The following PLEKHA6 variants were observed in gnomAD, a reference collection of about 807,000 sequenced individuals.
PLEKHA6 encodes the protein pleckstrin homology domain-containing family A member 6.
A neutral mutation model predicts 116.7 loss-of-function variants in PLEKHA6; 60 were observed. That is an observed-to-expected ratio of 0.51 (90% CI 0.42 to 0.64). The LOEUF is 0.64. Ranked by LOEUF, PLEKHA6 falls within the 30% of genes least tolerant of loss-of-function variation. PLEKHA6 has a pLI of 0.00. For synonymous variants in PLEKHA6, 489 were observed against 556.1 expected, an observed-to-expected ratio of 0.88 and a Z score of 1.70; for missense variants, 1,338 against 1,422.7, an observed-to-expected ratio of 0.94 and a Z score of 0.96.
chr1:204,320,099 C>T (rs1057466112), intron 1 of PLEKHA6, among the ~76,000 whole-genome samples: 3 of 152,178 alleles, frequency 2.0e-5, no homozygotes, highest in Non-Finnish European at 4.4e-5. Context: ...CACTGCTGCC[C>T]CATCATCCTT....
At chr1:204,254,445 A>T (rs949338010) in intron 9 of PLEKHA6, among the ~76,000 whole-genome samples, 6 of 150,822 alleles carry the variant, frequency 4.0e-5, no homozygotes, top group African/African-American at 7.3e-5. Context: ...CTCATTTAAA[A>T]TTTTTTTTTT....
Position 204,261,219 on chromosome 1 carries a change from G to A in PLEKHA6, c.524+87C>T. On this transcript the variant is annotated intron_variant, in intron 7 of 22. Transcript: ENST00000272203. The surrounding 1 kb of genome is among the most constrained non-coding windows in gnomAD (Gnocchi z 4.0). ...TCCAGGGCTTCAAGTAGGCACACTG[G>A]GATTAGCAATGGCCCAGAGCTGGGT... is the stretch of plus-strand genomic sequence containing the variant. 2 of 1,487,306 alleles carry A rather than the reference G, an allele frequency of 1.3e-6. No individual in the cohort carries two copies. Among genetic ancestry groups the A allele is most frequent in the African/African-American group, 2.8e-5 (2 of 72,598 alleles). The allele number at this position is 1,487,306 out of a possible 1,614,324, so 92.1% of individuals were successfully genotyped here.
At chr1:204,358,740 G>A (rs1426648945) in intron 1 of PLEKHA6, among the ~76,000 whole-genome samples, 2 of 151,956 alleles carry the variant, frequency 1.3e-5, no homozygotes, top group African/African-American at 4.8e-5. Flanking sequence ...CCCTCCTGCA[G>A]CTCTCCCTCC....
At position 204,268,392 on chromosome 1, in the gene PLEKHA6, G is replaced by C. The variant is rs893753588; in HGVS notation, c.103-80C>G. Reference sequence around the variant, plus strand: ...ATCTGCAAGGGAGCCACCCCTGCTAGAGCTGCTTCTCCCTAGGGTTAACCC... The same window carrying C: ...ATCTGCAAGGGAGCCACCCCTGCTACAGCTGCTTCTCCCTAGGGTTAACCC... On this transcript the variant is annotated intron_variant, in intron 3 of 22. Transcript: ENST00000272203. 8 of 946,378 alleles carry C rather than the reference G, an allele frequency of 8.5e-6. No individual in the cohort carries two copies. The African/African-American group carries it at 1.3e-4, about 15-fold the overall frequency. The allele number at this position is 946,378 out of a possible 1,614,324, so 58.6% of individuals were successfully genotyped here.
intron 3 of PLEKHA6, among the ~76,000 whole-genome samples, chr1:204,271,272 C>A (rs1329968056): frequency 6.6e-6 from 1 of 152,198 alleles, no homozygotes. Context: ...CTTTCTATCT[C>A]TTCCATTGCA....
chr1:204,359,613 A>ACAGGCAGCTGCCAGCCCT, intron 1 of PLEKHA6, 81 bp downstream of exon 1: 1 of 985,266 alleles, frequency 1.0e-6, no homozygotes, highest in Non-Finnish European at 1.2e-6. Context: ...CTCACGCGGC[A>ACAGGCAGCTGCCAGCCCT]GACAGGCAGC....
chr1:204,278,551 A>T (rs1572035409), intron 1 of PLEKHA6, among the ~76,000 whole-genome samples: 1 of 152,236 alleles, frequency 6.6e-6, no homozygotes. Flanking sequence ...ATTGGGGAAT[A>T]ATGTGATCAG....
intron 1 of PLEKHA6, among the ~76,000 whole-genome samples, chr1:204,372,209 A>G (rs750776328): frequency 8.5e-5 from 13 of 152,228 alleles, no homozygotes; most frequent in Non-Finnish European, 8.8e-5. Context: ...AAATTTGGCC[A>G]AAGTCACAAC....
intron 3 of PLEKHA6, among the ~76,000 whole-genome samples, chr1:204,367,495 G>A (rs115151866): frequency 7.3e-4 from 111 of 152,128 alleles, no homozygotes; most frequent in African/African-American, 2.5e-3. Context: ...GAACAGCCTC[G>A]TTCCTCTACT....
chr1:204,264,287 T>A (rs756026471), intron 6 of PLEKHA6, among the ~76,000 whole-genome samples: 2 of 152,178 alleles, frequency 1.3e-5, no homozygotes, highest in Non-Finnish European at 2.9e-5. Context: ...TGGCCTAGGA[T>A]GAGCCAGCTG....
chr1:204,244,437 G>T (rs886328296), intron 15 of PLEKHA6, among the ~76,000 whole-genome samples: 1 of 151,884 alleles, frequency 6.6e-6, no homozygotes, highest in South Asian at 2.1e-4. Flanking sequence ...ACCCTGCCAC[G>T]TGTGTATCTT....
At chr1:204,265,573 C>G (rs1666695707) in intron 5 of PLEKHA6, among the ~76,000 whole-genome samples, 1 of 152,180 alleles carries the variant, frequency 6.6e-6, no homozygotes, top group South Asian at 2.1e-4. Context: ...CATTGTTGAC[C>G]ACTATCCTAT....
At chr1:204,268,418 T>G (rs1382327266) in intron 3 of PLEKHA6, 106 bp from the exon 4 acceptor site, 3 of 607,686 alleles carry the variant, frequency 4.9e-6, no homozygotes, top group Admixed American at 3.7e-5. Context: ...GGGTTAACCC[T>G]GGGGTGCCCT....
intron 1 of PLEKHA6, among the ~76,000 whole-genome samples, chr1:204,350,879 C>G (rs943797034): frequency 6.6e-6 from 1 of 152,232 alleles, no homozygotes; most frequent in Admixed American, 6.5e-5. Context: ...TTCTTTCCTA[C>G]CTGCCTTTTT....
chr1:204,281,605 C>T (rs1267573636), intron 1 of PLEKHA6, among the ~76,000 whole-genome samples: 1 of 152,122 alleles, frequency 6.6e-6, no homozygotes, highest in Admixed American at 6.5e-5. Context: ...AAAACAACAA[C>T]CCCTACTGTC....
intron 8 of PLEKHA6, among the ~76,000 whole-genome samples, chr1:204,258,660 T>C (rs1220317902): frequency 6.6e-6 from 1 of 152,162 alleles, no homozygotes; most frequent in African/African-American, 2.4e-5. Context: ...CTGCAGCCCA[T>C]TTGCCCTGAG....
chr1:204,261,433 C>T lies in PLEKHA6; in HGVS notation c.397G>A (p.Val133Ile), dbSNP rs1666101189. The change falls in exon 7 of 23, where the codon GTC (valine) becomes ATC (isoleucine). Residue 133 changes from valine (V) to isoleucine (I), a missense_variant. Physicochemically the swap from Val to Ile is conservative, Grantham distance 29 (BLOSUM62 3). Coordinates refer to ENST00000272203, the MANE Select transcript of PLEKHA6 (RefSeq NM_014935.5). This position sits in a 1 kb window ranked among gnomAD's most constrained non-coding sequence, Gnocchi z 4.0. ...TCGGCACTGAAGAAGTAGGTGCGGA[C>T]CCCGGCATGCTCAGCCTGTGGGGAG... ...KHTFKAEHAGVRTYFFSAESP... is the reference protein window; with the variant it reads ...KHTFKAEHAGIRTYFFSAESP... 1.2e-6 allele frequency: 2 copies of T among 1,611,254 alleles called. No individual in the cohort carries two copies. Among genetic ancestry groups the T allele is most frequent in the Non-Finnish European group, 1.7e-6 (2 of 1,178,386 alleles).
chr1:204,340,230 G>T (rs1292031502), intron 1 of PLEKHA6, among the ~76,000 whole-genome samples: 3 of 152,136 alleles, frequency 2.0e-5, no homozygotes, highest in Non-Finnish European at 2.9e-5. Context: ...TTCCCCAGCA[G>T]GGTAGCTGAA....
chr1:204,226,471 C>T (rs1660383827), intron 21 of PLEKHA6, among the ~76,000 whole-genome samples: 1 of 152,170 alleles, frequency 6.6e-6, no homozygotes, highest in Non-Finnish European at 1.5e-5. Context: ...CCCCTTGAAA[C>T]AGGAAGTTGC....
Sources: gnomAD v4.1 joint callset for allele counts (sites outside exome capture counted in the v4.1 genomes callset) on GRCh38, gnomAD v4.1.1 for gene constraint, Gnocchi (gnomAD v3.1) non-coding constraint, MANE v1.5 for transcripts, NCBI Gene and HGNC (gene_info 2026-07-23, HGNC 2026-07-21) for gene names.